The following EYA2 variants were observed in gnomAD, a reference collection of about 807,000 sequenced individuals.
EYA2 encodes the protein EYA transcriptional coactivator and phosphatase 2.
A neutral mutation model predicts 69.2 loss-of-function variants in EYA2; 31 were observed. The observed-to-expected ratio is 0.45, with a 90% CI of 0.34 to 0.60. The LOEUF is 0.60. Ranked by LOEUF, EYA2 falls within the 20% of genes least tolerant of loss-of-function variation. The pLI, the probability that EYA2 is intolerant of heterozygous loss-of-function variation, is 0.02. For missense variants in EYA2, 622 were observed against 701.2 expected (o/e 0.89, Z 1.28); for synonymous variants, 257 against 279.4 (o/e 0.92, Z 0.80).
chr20:47,149,026 G>A (rs1600744740), intron 10 of EYA2, among the ~76,000 whole-genome samples: 1 of 151,706 alleles, frequency 6.6e-6, no homozygotes, highest in South Asian at 2.1e-4. Flanking sequence ...CCTGGCAGCC[G>A]AGACTGTGCT....
intron 9 of EYA2, among the ~76,000 whole-genome samples, chr20:47,139,393 T>C (rs2033546270): frequency 6.6e-6 from 1 of 152,244 alleles, no homozygotes; most frequent in African/African-American, 2.4e-5. Flanking sequence ...CAACAACTCT[T>C]GCTGCTGCCT....
chr20:47,078,310 TGTGCACGTGCGCGCGC>T (rs1480480762), intron 7 of EYA2, among the ~76,000 whole-genome samples: 1 of 133,364 alleles, frequency 7.5e-6, no homozygotes, highest in Non-Finnish European at 1.6e-5. Flanking sequence ...TGTGTGCACA[TGTGCACGTGCGCGCGC>T]GCGCGCACAC....
At chr20:47,052,221 A>T (rs1411659924) in intron 5 of EYA2, among the ~76,000 whole-genome samples, 1 of 152,158 alleles carries the variant, frequency 6.6e-6, no homozygotes, top group African/African-American at 2.4e-5. Flanking sequence ...CTACTAAAAG[A>T]AAAAGCTTTA....
At chr20:47,106,387 C>T (rs1263527561) in intron 9 of EYA2, among the ~76,000 whole-genome samples, 1 of 152,188 alleles carries the variant, frequency 6.6e-6, no homozygotes, top group African/African-American at 2.4e-5. Flanking sequence ...GATCTCAACC[C>T]ACACAGCATG....
At chr20:46,993,896 G>C (rs1203473602) in intron 2 of EYA2, among the ~76,000 whole-genome samples, 1 of 152,214 alleles carries the variant, frequency 6.6e-6, no homozygotes, top group Non-Finnish European at 1.5e-5. Context: ...GCACAGAGAA[G>C]ACAGCAAGTG....
At chr20:46,996,762 G>T (rs1982046816) in intron 2 of EYA2, among the ~76,000 whole-genome samples, 3 of 152,120 alleles carry the variant, frequency 2.0e-5, no homozygotes. Flanking sequence ...AGTTCTGCAG[G>T]CTGTACAGGA....
intron 12 of EYA2, among the ~76,000 whole-genome samples, chr20:47,178,165 G>GA (rs2034458176): frequency 6.6e-6 from 1 of 151,966 alleles, no homozygotes; most frequent in Non-Finnish European, 1.5e-5. Context: ...CCACCTCTAT[G>GA]AAAAATACAA....
chr20:47,039,835 C>T (rs1259149978), intron 5 of EYA2, among the ~76,000 whole-genome samples: 18 of 69,798 alleles, frequency 2.6e-4, no homozygotes, highest in South Asian at 6.3e-4. Flanking sequence ...AGATCAAATA[C>T]TTTTTTTTTT....
intron 7 of EYA2, among the ~76,000 whole-genome samples, chr20:47,084,067 G>A (rs1215490986): frequency 1.3e-5 from 2 of 152,090 alleles, no homozygotes; most frequent in East Asian, 1.9e-4. Flanking sequence ...CTAACATGGT[G>A]AAACCCTGTG....
intron 7 of EYA2, among the ~76,000 whole-genome samples, chr20:47,079,109 T>C (rs1248874945): frequency 6.6e-6 from 1 of 152,254 alleles, no homozygotes; most frequent in African/African-American, 2.4e-5. Flanking sequence ...GTATCCCCTT[T>C]ATCCTTTTCA....
intron 2 of EYA2, among the ~76,000 whole-genome samples, chr20:46,991,615 A>G (rs1006502813): frequency 1.3e-5 from 2 of 152,204 alleles, no homozygotes; most frequent in Admixed American, 1.3e-4. Flanking sequence ...TTTAAGTAAA[A>G]GTGAATTTGT....
Position 47,010,915 on chromosome 20 carries a change from A to G in EYA2, c.299-5266A>G, listed in dbSNP as rs182277468. On this transcript the variant is annotated intron_variant, in intron 4 of 15. Coordinates refer to ENST00000327619, the MANE Select transcript of EYA2 (RefSeq NM_005244.5). Reference sequence around the variant, plus strand: ...TGATTCTCCTGCTTCAGCCTCCTGAATAGCTGGGATTACATATGTGCACCA... The same window carrying G: ...TGATTCTCCTGCTTCAGCCTCCTGAGTAGCTGGGATTACATATGTGCACCA... Among the ~76,000 whole-genome samples, 524 of 151,692 alleles carry G rather than the reference A, an allele frequency of 3.5e-3. 2 individuals carry two copies. Among genetic ancestry groups the G allele is most frequent in the African/African-American group, 0.012 (504 of 41,328 alleles).
chr20:47,035,877 G>A (rs1984678875), intron 5 of EYA2, among the ~76,000 whole-genome samples: 1 of 152,054 alleles, frequency 6.6e-6, no homozygotes, highest in South Asian at 2.1e-4. Context: ...CATGTGTGGT[G>A]GCGTGCACCT....
chr20:46,959,464 G>A (rs1003797042), intron 1 of EYA2, among the ~76,000 whole-genome samples: 1 of 152,124 alleles, frequency 6.6e-6, no homozygotes, highest in Non-Finnish European at 1.5e-5. Context: ...CTGTGGCAGG[G>A]GTGTGGAGTG....
intron 1 of EYA2, among the ~76,000 whole-genome samples, chr20:46,945,800 T>A (rs1005644937): frequency 6.6e-6 from 1 of 152,240 alleles, no homozygotes; most frequent in Non-Finnish European, 1.5e-5. Flanking sequence ...GATTTTGTGC[T>A]TGGGTAAGCT....
At chr20:47,012,379 G>A (rs1208025680) in intron 4 of EYA2, among the ~76,000 whole-genome samples, 4 of 152,158 alleles carry the variant, frequency 2.6e-5, no homozygotes, top group African/African-American at 9.7e-5. Context: ...TTAGAGCAGT[G>A]TTTCTCTATC....
At chr20:46,987,950 CTCTCTCTCTCTCTCTA>C (rs1468157228) in intron 1 of EYA2, among the ~76,000 whole-genome samples, 2 of 41,640 alleles carry the variant, frequency 4.8e-5, no homozygotes, top group African/African-American at 2.1e-4. Flanking sequence ...CTCTCTCTCT[CTCTCTCTCTCTCTCTA>C]TATATATATA....
At chr20:47,149,451 C>T (rs1296257077) in intron 10 of EYA2, among the ~76,000 whole-genome samples, 2 of 151,882 alleles carry the variant, frequency 1.3e-5, no homozygotes, top group African/African-American at 2.4e-5. Flanking sequence ...TTGTAACGGC[C>T]CCCATCCTCT....
intron 9 of EYA2, among the ~76,000 whole-genome samples, chr20:47,111,704 A>C (rs777928652): frequency 1.2e-4 from 19 of 152,222 alleles, no homozygotes; most frequent in Non-Finnish European, 2.8e-4. Context: ...TGTCAGCAAA[A>C]GTAAACATAA....
Sources: allele counts gnomAD v4.1 joint callset (sites outside exome capture counted in the v4.1 genomes callset), GRCh38; gene constraint gnomAD v4.1.1; transcripts MANE v1.5; gene names NCBI Gene and HGNC (gene_info 2026-07-23, HGNC 2026-07-21).